TNFSF4: variants seen among roughly 807,000 people sequenced by gnomAD.
TNFSF4 encodes the protein TNF superfamily member 4, also known as tumor necrosis factor ligand superfamily member 4.
TNFSF4 carries 4 observed loss-of-function variants against 7.3 expected under a neutral mutation model. That is an observed-to-expected ratio of 0.55 (90% CI 0.27 to 1.25). The LOEUF (loss-of-function observed/expected upper bound fraction) is 1.25. Ranked by LOEUF, TNFSF4 falls within the 50% of genes most tolerant of loss-of-function variation. The probability of loss-of-function intolerance (pLI) is 0.12; values close to 1 mark genes in which losing one functional copy is unlikely to be tolerated. For missense variants in TNFSF4, 181 were observed against 208.8 expected (o/e 0.87, Z 0.82); for synonymous variants, 76 against 83.7 (o/e 0.91, Z 0.50).
the TNFSF4 span, among the ~76,000 whole-genome samples, chr1:173,329,502 G>T: frequency 6.6e-6 from 1 of 152,040 alleles, no homozygotes; most frequent in Non-Finnish European, 1.5e-5. Context: ...CAAAAGGAGA[G>T]TGAAAACAGA....
At chr1:173,248,203 A>C in the TNFSF4 span, among the ~76,000 whole-genome samples, 2 of 152,164 alleles carry the variant, frequency 1.3e-5, no homozygotes, top group East Asian at 3.9e-4. Flanking sequence ...AAAATGCAAA[A>C]AAAATTAGCT....
chr1:173,301,428 G>T, the TNFSF4 span, among the ~76,000 whole-genome samples: 1 of 151,746 alleles, frequency 6.6e-6, no homozygotes, highest in Non-Finnish European at 1.5e-5. Context: ...TCTTTGGGTT[G>T]TTGTGAAGAT....
At chr1:173,328,386 G>A in the TNFSF4 span, among the ~76,000 whole-genome samples, 1 of 151,526 alleles carries the variant, frequency 6.6e-6, no homozygotes, top group Admixed American at 6.6e-5. Context: ...GATAGCATTA[G>A]GAGATATAGG....
chr1:173,335,300 TGA>T, the TNFSF4 span, among the ~76,000 whole-genome samples: 1 of 152,182 alleles, frequency 6.6e-6, no homozygotes, highest in African/African-American at 2.4e-5. Flanking sequence ...TCACCCATAA[TGA>T]GAGGCTCTAG....
the TNFSF4 span, among the ~76,000 whole-genome samples, chr1:173,390,488 G>A: frequency 1.3e-5 from 2 of 152,104 alleles, no homozygotes; most frequent in Admixed American, 6.5e-5. Context: ...TACTCTGTCT[G>A]GCATTTCTGG....
chr1:173,206,023 T>C (rs1304624355), intron 1 of TNFSF4, among the ~76,000 whole-genome samples: 1 of 152,206 alleles, frequency 6.6e-6, no homozygotes, highest in Non-Finnish European at 1.5e-5. Context: ...GCCCAGGCAT[T>C]TGCCAAGACT....
the TNFSF4 span, among the ~76,000 whole-genome samples, chr1:173,390,286 C>T: frequency 3.3e-4 from 50 of 152,234 alleles, no homozygotes; most frequent in Non-Finnish European, 5.6e-4. Context: ...ACTGTTGCTG[C>T]CTTTGTAGGT....
the TNFSF4 span, among the ~76,000 whole-genome samples, chr1:173,258,856 C>G: frequency 6.6e-6 from 1 of 152,074 alleles, no homozygotes; most frequent in African/African-American, 2.4e-5. Context: ...ACTCTGACCT[C>G]CCTGAGATGG....
the TNFSF4 span, among the ~76,000 whole-genome samples, chr1:173,309,205 C>T: frequency 6.6e-6 from 1 of 151,242 alleles, no homozygotes; most frequent in Non-Finnish European, 1.5e-5. Flanking sequence ...TCCTCATGCC[C>T]TTCATTTGCA....
chr1:173,445,349 G>T, the TNFSF4 span, among the ~76,000 whole-genome samples: 5 of 152,294 alleles, frequency 3.3e-5, no homozygotes, highest in African/African-American at 9.6e-5. Flanking sequence ...CAAATGAGCT[G>T]CGATGGGGGT....
the TNFSF4 span, among the ~76,000 whole-genome samples, chr1:173,333,861 C>T: frequency 6.6e-6 from 1 of 152,098 alleles, no homozygotes; most frequent in Admixed American, 6.6e-5. Context: ...GGCCACTGGA[C>T]TCCAGCTACA....
At chr1:173,198,927 C>A (rs990772708) in intron 1 of TNFSF4, among the ~76,000 whole-genome samples, 4 of 152,104 alleles carry the variant, frequency 2.6e-5, no homozygotes, top group African/African-American at 7.2e-5. Flanking sequence ...ACAATGATGA[C>A]CATGTCATTT....
At chr1:173,399,111 A>C in the TNFSF4 span, among the ~76,000 whole-genome samples, 91 of 152,188 alleles carry the variant, frequency 6.0e-4, no homozygotes, top group African/African-American at 2.1e-3. Flanking sequence ...ACACAGCAGC[A>C]CTCCATCATC....
At chr1:173,394,599 G>A in the TNFSF4 span, among the ~76,000 whole-genome samples, 2 of 152,186 alleles carry the variant, frequency 1.3e-5, no homozygotes, top group Admixed American at 1.3e-4. Flanking sequence ...CCAATCTATT[G>A]AGGGCATGAA....
the TNFSF4 span, among the ~76,000 whole-genome samples, chr1:173,318,208 A>AG: frequency 1.5e-3 from 224 of 152,304 alleles, no homozygotes; most frequent in African/African-American, 5.1e-3. Context: ...TGGGAGGCCA[A>AG]GGGGGGTGGA....
At chr1:173,301,102 G>C in the TNFSF4 span, among the ~76,000 whole-genome samples, 1 of 151,888 alleles carries the variant, frequency 6.6e-6, no homozygotes, top group Non-Finnish European at 1.5e-5. Flanking sequence ...TGCTGGACTA[G>C]TTGAATTCCA....
At chr1:173,444,204 C>T in the TNFSF4 span, among the ~76,000 whole-genome samples, 1 of 152,168 alleles carries the variant, frequency 6.6e-6, no homozygotes, top group Admixed American at 6.5e-5. Context: ...TTCTCCAACA[C>T]AGCAAGGCTG....
chr1:173,379,236 C>T, the TNFSF4 span, among the ~76,000 whole-genome samples: 3 of 152,132 alleles, frequency 2.0e-5, no homozygotes, highest in African/African-American at 7.2e-5. Context: ...AGAAAGCCGT[C>T]CCCAGTATGG....
chr1:173,403,996 G>A, the TNFSF4 span, among the ~76,000 whole-genome samples: 1 of 152,120 alleles, frequency 6.6e-6, no homozygotes, highest in African/African-American at 2.4e-5. Context: ...AATGATACCG[G>A]CACAAAGAGA....
Sources: allele counts gnomAD v4.1 joint callset (sites outside exome capture counted in the v4.1 genomes callset), GRCh38; gene constraint gnomAD v4.1.1; transcripts MANE v1.5; gene names NCBI Gene and HGNC (gene_info 2026-07-23, HGNC 2026-07-21).